Variants in PCNX2 observed in about 807,000 individuals in gnomAD.
PCNX2 encodes the protein pecanex 2.
In PCNX2, 168 loss-of-function variants were observed where a neutral mutation model predicts 223.8. The ratio of observed to expected loss-of-function variants is 0.75; its 90% CI spans 0.66 to 0.85. The LOEUF is 0.85. Ranked by LOEUF, PCNX2 falls within the 40% of genes least tolerant of loss-of-function variation. The pLI, the probability that PCNX2 is intolerant of heterozygous loss-of-function variation, is 0.00. For synonymous variants in PCNX2, 1,006 were observed against 1,052.6 expected (o/e 0.96, Z 0.86); for missense variants, 2,507 against 2,675.5 (o/e 0.94, Z 1.39).
the PCNX2 span, among the ~76,000 whole-genome samples, chr1:233,306,916 T>C: frequency 2.0e-5 from 3 of 152,210 alleles, no homozygotes; most frequent in African/African-American, 7.2e-5. Flanking sequence ...GCTGTGTATA[T>C]ATGTTTCATG....
chr1:233,252,551 C>G, intron 6 of PCNX2, 52 bp from the exon 7 acceptor site: 1 of 1,585,294 alleles, frequency 6.3e-7, no homozygotes, highest in South Asian at 1.1e-5. Context: ...CCTCCTTATC[C>G]TTGATAAAGC....
At position 233,177,830 on chromosome 1, in the gene PCNX2, G is replaced by C. The variant is rs770231961; in HGVS notation, c.3245C>G (p.Pro1082Arg). The C allele has an allele frequency of 6.2e-7, 1 of 1,613,838 alleles. No homozygotes were observed. The highest frequency in any genetic ancestry group is 8.5e-7 in the Non-Finnish European group (1 of 1,179,758). ...HQNLAESAADPLPKKMKDSVT... is the reference protein window; with the variant it reads ...HQNLAESAADRLPKKMKDSVT... ...TGAATCTTTCATCTTCTTGGGGAGA[G>C]GGTCAGCAGCTGACTCTGCCAGATT... The change falls in exon 17 of 34, where the codon CCT becomes CGT. Residue 1082 changes from proline to arginine, a missense_variant. By Grantham distance (103) the Pro-to-Arg change is moderately radical. Around this residue, in one of 3 missense-constraint regions of PCNX2, gnomAD observed 1,372 missense variants for 1,509.4 expected, o/e 0.91. Coordinates refer to ENST00000258229, the MANE Select transcript of PCNX2 (RefSeq NM_014801.4).
chr1:233,300,201 C>T (rs933534062), upstream of PCNX2, among the ~76,000 whole-genome samples: 11 of 151,974 alleles, frequency 7.2e-5, no homozygotes, highest in East Asian at 7.7e-4. Flanking sequence ...TTGAGCCTTT[C>T]CATAATGAAC....
chr1:233,115,400 C>T (rs1287924728), intron 21 of PCNX2, among the ~76,000 whole-genome samples: 1 of 152,010 alleles, frequency 6.6e-6, no homozygotes, highest in African/African-American at 2.4e-5. Context: ...TAAGGGAAAC[C>T]GAAAGTCAAG....
intron 19 of PCNX2, among the ~76,000 whole-genome samples, chr1:233,154,728 T>C (rs1678012703): frequency 6.6e-6 from 1 of 152,210 alleles, no homozygotes; most frequent in South Asian, 2.1e-4. Context: ...AGCTCCTCAC[T>C]TAGGATATTA....
chr1:233,172,322 T>G, intron 17 of PCNX2: 1 of 979,306 alleles, frequency 1.0e-6, no homozygotes, highest in Non-Finnish European at 1.2e-6. Flanking sequence ...TTATGTTTGT[T>G]TCTGCCATGA....
chr1:233,025,639 A>T (rs1671057826), intron 25 of PCNX2: 2 of 554,286 alleles, frequency 3.6e-6, no homozygotes, highest in Non-Finnish European at 6.3e-6. Context: ...CGATTTAAAA[A>T]TTTTTATGGA....
intron 21 of PCNX2, among the ~76,000 whole-genome samples, chr1:233,106,058 A>C (rs1674752429): frequency 6.6e-6 from 1 of 152,174 alleles, no homozygotes; most frequent in African/African-American, 2.4e-5. Context: ...GACTTCAATA[A>C]AGAAGAAACA....
chr1:233,109,797 A>G (rs1675008218), intron 21 of PCNX2, among the ~76,000 whole-genome samples: 1 of 152,258 alleles, frequency 6.6e-6, no homozygotes, highest in African/African-American at 2.4e-5. Flanking sequence ...TAAATTTCCA[A>G]AATGACAGAC....
rs889194197 is a variant in PCNX2, at chr1:233,260,807, CA to C, written c.517+477del. ...AAGCCTTCTGCAGGTAGTCAAAAGACAAAAAAAAAAAAGTTAGTAAAAATGT... is the reference window on the plus strand; with the variant it reads ...AAGCCTTCTGCAGGTAGTCAAAAGACAAAAAAAAAAAGTTAGTAAAAATGT... On this transcript the variant is annotated intron_variant, in intron 4 of 33. Coordinates refer to ENST00000258229, the MANE Select transcript of PCNX2 (RefSeq NM_014801.4). Among the ~76,000 whole-genome samples, 897 of 113,976 alleles carry C rather than the reference CA, an allele frequency of 7.9e-3. 5 individuals carry two copies. Among genetic ancestry groups the C allele is most frequent in the African/African-American group, 0.023 (717 of 31,010 alleles). 74.8% of individuals were successfully genotyped at this position (113,976 alleles called of 152,430 possible).
intron 21 of PCNX2, among the ~76,000 whole-genome samples, chr1:233,108,041 G>A (rs1315258079): frequency 6.6e-6 from 1 of 152,076 alleles, no homozygotes; most frequent in African/African-American, 2.4e-5. Flanking sequence ...GCAACGTCAG[G>A]AAGTTACCCT....
intron 1 of PCNX2, among the ~76,000 whole-genome samples, chr1:233,293,374 C>T (rs555028265): frequency 3.3e-5 from 5 of 152,134 alleles, no homozygotes; most frequent in African/African-American, 9.7e-5. Flanking sequence ...ATCAGTGTTA[C>T]CAAATGCAGA....
At chr1:233,116,467 A>G (rs1024195421) in intron 21 of PCNX2, among the ~76,000 whole-genome samples, 1 of 152,210 alleles carries the variant, frequency 6.6e-6, no homozygotes, top group African/African-American at 2.4e-5. Flanking sequence ...CTCTGACCAT[A>G]AAGAAATCAA....
chr1:233,097,397 G>A (rs907614039), intron 21 of PCNX2, among the ~76,000 whole-genome samples: 3 of 152,024 alleles, frequency 2.0e-5, no homozygotes, highest in Non-Finnish European at 4.4e-5. Context: ...ATGTGATCAG[G>A]CTTGGGGAGC....
intron 23 of PCNX2, among the ~76,000 whole-genome samples, chr1:233,069,785 A>G (rs1021753120): frequency 8.5e-5 from 13 of 152,136 alleles, no homozygotes; most frequent in African/African-American, 3.1e-4. Context: ...TACACATTAA[A>G]AAGGTATCAA....
chr1:233,262,848 AT>A, intron 2 of PCNX2, 109 bp downstream of exon 2: 2 of 961,524 alleles, frequency 2.1e-6, no homozygotes, highest in Non-Finnish European at 1.6e-6. Flanking sequence ...AAAAATGCAT[AT>A]ATTTCTGTCT....
intron 13 of PCNX2, among the ~76,000 whole-genome samples, chr1:233,207,961 T>A (rs1198661449): frequency 6.6e-6 from 1 of 151,952 alleles, no homozygotes; most frequent in Non-Finnish European, 1.5e-5. Context: ...AGCATTTATT[T>A]TTTTTTTTTT....
At chr1:233,317,864 G>T in the PCNX2 span, among the ~76,000 whole-genome samples, 1 of 152,184 alleles carries the variant, frequency 6.6e-6, no homozygotes, top group Non-Finnish European at 1.5e-5. Flanking sequence ...TTTACAAAGG[G>T]GAATAAAGAC....
At chr1:233,169,830 G>A (rs1277709354) in intron 17 of PCNX2, among the ~76,000 whole-genome samples, 1 of 151,362 alleles carries the variant, frequency 6.6e-6, no homozygotes, top group African/African-American at 2.4e-5. Flanking sequence ...GCCTTCTGGA[G>A]GTTCCCATCA....
Sources: gnomAD v4.1 joint callset for allele counts (sites outside exome capture counted in the v4.1 genomes callset) on GRCh38, gnomAD v4.1.1 for gene constraint, gnomAD v4.1.1 regional missense constraint, MANE v1.5 for transcripts, NCBI Gene and HGNC (gene_info 2026-07-23, HGNC 2026-07-21) for gene names.